The following RDX variants were observed in gnomAD, a reference collection of about 807,000 sequenced individuals.
RDX encodes the protein deafness, autosomal recessive 24.
A neutral mutation model predicts 83.7 loss-of-function variants in RDX; 32 were observed. The observed-to-expected ratio is 0.38, with a 90% confidence interval of 0.29 to 0.51. RDX has a LOEUF of 0.51. RDX is among the 20% of genes least tolerant of loss of function. The pLI, the probability that RDX is intolerant of heterozygous loss-of-function variation, is 0.87. For synonymous variants in RDX, 229 were observed against 222.7 expected (o/e 1.03, Z -0.25); for missense variants, 600 against 689.9 (o/e 0.87, Z 1.46).
At chr11:110,258,369 T>G (rs1409874117) in intron 5 of RDX, among the ~76,000 whole-genome samples, 180 bp from the exon 6 acceptor site, 2 of 152,178 alleles carry the variant, frequency 1.3e-5, no homozygotes, top group African/African-American at 2.4e-5. Flanking sequence ...GTAAAACTGA[T>G]GTAATCTGAA....
intron 14 of RDX, among the ~76,000 whole-genome samples, chr11:110,209,939 C>T (rs1163846964): frequency 6.7e-6 from 1 of 148,428 alleles, no homozygotes; most frequent in Non-Finnish European, 1.5e-5. Context: ...GCCTCTCCTC[C>T]TCCAAAGGAA....
intron 1 of RDX, among the ~76,000 whole-genome samples, chr11:110,284,725 G>T (rs1220376368): frequency 6.6e-6 from 1 of 151,630 alleles, no homozygotes; most frequent in Non-Finnish European, 1.5e-5. Flanking sequence ...GGGTTTCACC[G>T]TGTTAGCCAG....
At chr11:110,255,513 A>G (rs1859506503) in intron 7 of RDX, 128 bp from the exon 8 acceptor site, 2 of 652,334 alleles carry the variant, frequency 3.1e-6, no homozygotes, top group East Asian at 2.8e-5. Context: ...TAACTTATTC[A>G]TAACTACAGT....
rs957453875 is a variant in RDX, at chr11:110,258,251, A to G, written c.468-62T>C. 3.7e-6 allele frequency: 4 copies of G among 1,081,016 alleles called. No homozygotes were observed. The African/African-American group carries it at 4.8e-5, about 13-fold the overall frequency. 67.0% of individuals were successfully genotyped at this position (1,081,016 alleles called of 1,614,324 possible). A position where few individuals can be genotyped will look rare whatever the true frequency, so the allele number is the denominator to read the frequency against. ...TTTAAGATTCAAAAGCATACACTTT[A>G]AAAGTAAAGAATCCTTTCAGTAACT... is the stretch of plus-strand genomic sequence containing the variant. On this transcript the variant is annotated intron_variant, in intron 5 of 13. Coordinates refer to ENST00000645495, the MANE Select transcript of RDX (RefSeq NM_002906.4).
intron 1 of RDX, among the ~76,000 whole-genome samples, chr11:110,292,734 A>G (rs1009646590): frequency 2.0e-5 from 3 of 152,164 alleles, no homozygotes; most frequent in Non-Finnish European, 2.9e-5. Context: ...CTCAATTACT[A>G]ATAGCTTTAT....
Position 110,291,765 on chromosome 11 carries a change from T to C in RDX, c.-65+4702A>G, listed in dbSNP as rs190694038. Among the ~76,000 whole-genome samples, 21 of 151,842 alleles carry C rather than the reference T, an allele frequency of 1.4e-4. 1 individual carries two copies. In the East Asian group the frequency reaches 1.6e-3, roughly 11 times the overall value. Reference sequence around the variant, plus strand: ...ATAGGGAAAATCACAGGGAAGAGAGTTGGAAAGAGAAGGAGTCCTTGATGT... The same window carrying C: ...ATAGGGAAAATCACAGGGAAGAGAGCTGGAAAGAGAAGGAGTCCTTGATGT... On this transcript the variant is annotated intron_variant, in intron 1 of 13. Transcript: ENST00000645495.
At chr11:110,227,640 G>A (rs1014996491), downstream of RDX, among the ~76,000 whole-genome samples, 2 of 152,046 alleles carry the variant, frequency 1.3e-5, no homozygotes, top group Admixed American at 1.3e-4. Flanking sequence ...GCTAAGATAA[G>A]TTAATATTTG....
At chr11:110,260,551 C>T (rs1188960504) in intron 5 of RDX, among the ~76,000 whole-genome samples, 1 of 152,196 alleles carries the variant, frequency 6.6e-6, no homozygotes, top group Non-Finnish European at 1.5e-5. Flanking sequence ...CAGTGATTCT[C>T]AGGTCTCAGA....
chr11:110,233,675 T>C (rs555136355), intron 12 of RDX, among the ~76,000 whole-genome samples, 196 bp from the exon 13 acceptor site: 1 of 142,598 alleles, frequency 7.0e-6, no homozygotes, highest in Non-Finnish European at 1.5e-5. Flanking sequence ...CAAACCCTAT[T>C]AGAATTACTC....
chr11:110,293,383 A>C, intron 1 of RDX, among the ~76,000 whole-genome samples: 1 of 152,262 alleles, frequency 6.6e-6, no homozygotes, highest in Middle Eastern at 3.4e-3. Flanking sequence ...TCACTTTTAT[A>C]GTTTTTTTTA....
intron 14 of RDX, among the ~76,000 whole-genome samples, chr11:110,221,648 A>ACAC (rs1864255076): frequency 5.3e-5 from 8 of 149,926 alleles, no homozygotes; most frequent in Admixed American, 1.3e-4. Context: ...ACACACACGA[A>ACAC]GATCAAAGTT....
At chr11:110,204,449 T>A (rs778276108) in intron 14 of RDX, among the ~76,000 whole-genome samples, 6 of 151,386 alleles carry the variant, frequency 4.0e-5, no homozygotes, top group African/African-American at 2.4e-5. Context: ...AGACACTGCA[T>A]ATTCATGATT....
intron 3 of RDX, among the ~76,000 whole-genome samples, chr11:110,267,515 A>AAC (rs71053877): frequency 0.21 from 27,005 of 131,064 alleles, 2,583 homozygotes; most frequent in Middle Eastern, 0.25. Context: ...TCCGTCTCAA[A>AAC]ACACACACAC....
intron 10 of RDX, among the ~76,000 whole-genome samples, chr11:110,244,813 T>C (rs760213660): frequency 6.6e-6 from 1 of 152,150 alleles, no homozygotes; most frequent in African/African-American, 2.4e-5. Context: ...AGAAATCACA[T>C]TTGAAGTTAT....
chr11:110,244,053 T>C (rs995036834), intron 10 of RDX, among the ~76,000 whole-genome samples: 2 of 151,992 alleles, frequency 1.3e-5, no homozygotes, highest in African/African-American at 4.8e-5. Context: ...ACCTACACAA[T>C]GAATGTTCAT....
intron 10 of RDX, among the ~76,000 whole-genome samples, chr11:110,246,548 G>T (rs1859113694): frequency 6.6e-6 from 1 of 152,202 alleles, no homozygotes; most frequent in Non-Finnish European, 1.5e-5. Flanking sequence ...GCCGACGCGG[G>T]TGGATCACTT....
intron 2 of RDX, among the ~76,000 whole-genome samples, chr11:110,275,125 T>C (rs983728747): frequency 6.6e-6 from 1 of 152,178 alleles, no homozygotes; most frequent in African/African-American, 2.4e-5. Flanking sequence ...TATCTCAATA[T>C]GGTATTAAAG....
intron 12 of RDX, among the ~76,000 whole-genome samples, chr11:110,235,158 C>A (rs1007557065): frequency 3.3e-5 from 5 of 151,870 alleles, no homozygotes; most frequent in African/African-American, 7.3e-5. Flanking sequence ...TCAAGACCAA[C>A]CTGGGTTACA....
intron 15 of RDX, among the ~76,000 whole-genome samples, chr11:110,189,296 G>T (rs1309899242): frequency 9.0e-6 from 1 of 111,628 alleles, no homozygotes; most frequent in Non-Finnish European, 1.9e-5. Flanking sequence ...ATGACAAAGG[G>T]ATCAATTCAA....
Sources: gnomAD v4.1 joint callset for allele counts (sites outside exome capture counted in the v4.1 genomes callset) on GRCh38, gnomAD v4.1.1 for gene constraint, MANE v1.5 for transcripts, NCBI Gene and HGNC (gene_info 2026-07-23, HGNC 2026-07-21) for gene names.